Variants in SRGAP1 observed in about 807,000 individuals in gnomAD.
The protein encoded by SRGAP1 is SLIT-ROBO Rho GTPase-activating protein 1.
Under a neutral mutation model 121.9 loss-of-function variants are expected in SRGAP1, and 43 were observed. The ratio of observed to expected loss-of-function variants is 0.35; its 90% CI spans 0.28 to 0.46. SRGAP1 has a LOEUF of 0.46. Among genes scored for constraint, SRGAP1 ranks in the 20% least tolerant of loss-of-function variants. The probability of loss-of-function intolerance (pLI) is 1.00; values close to 1 mark genes in which losing one functional copy is unlikely to be tolerated. For missense variants in SRGAP1, 1,102 were observed against 1,350.9 expected (o/e 0.82, Z 2.89); for synonymous variants, 447 against 485.4 (o/e 0.92, Z 1.04).
At chr12:64,095,349 GAATC>G in intron 14 of SRGAP1, 145 bp downstream of exon 14, 1 of 667,732 alleles carries the variant, frequency 1.5e-6, no homozygotes, top group South Asian at 2.0e-5. Context: ...AATCCATTAA[GAATC>G]GCTGAGAAAT....
chr12:63,881,210 T>A (rs144857689), intron 1 of SRGAP1, among the ~76,000 whole-genome samples: 22 of 152,318 alleles, frequency 1.4e-4, no homozygotes, highest in African/African-American at 5.1e-4. Context: ...ATGACTGGGC[T>A]GGAATCTATC....
At chr12:63,946,510 T>C (rs2032052388) in intron 1 of SRGAP1, among the ~76,000 whole-genome samples, 1 of 151,724 alleles carries the variant, frequency 6.6e-6, no homozygotes, top group Non-Finnish European at 1.5e-5. Context: ...CTGCTTTCTC[T>C]TGCTGGTTAG....
chr12:64,136,762 G>C (rs2036862691), intron 21 of SRGAP1, among the ~76,000 whole-genome samples: 2 of 152,114 alleles, frequency 1.3e-5, no homozygotes, highest in Admixed American at 1.3e-4. Context: ...TGCTATGCAA[G>C]GCCCTTTGAG....
chr12:63,902,892 A>G (rs2030003358), intron 1 of SRGAP1, among the ~76,000 whole-genome samples: 1 of 152,118 alleles, frequency 6.6e-6, no homozygotes. Context: ...TGGTCATTCC[A>G]TCATATCTTT....
At chr12:63,912,227 G>A (rs148323143) in intron 1 of SRGAP1, among the ~76,000 whole-genome samples, 9 of 152,236 alleles carry the variant, frequency 5.9e-5, no homozygotes, top group African/African-American at 2.2e-4. Context: ...CAGTACAAAA[G>A]CCCTGTGAGG....
intron 1 of SRGAP1, among the ~76,000 whole-genome samples, chr12:63,924,369 T>G (rs939126435): frequency 1.3e-5 from 2 of 152,168 alleles, no homozygotes; most frequent in Admixed American, 6.5e-5. Context: ...AACCTAATAG[T>G]GCTCCATTGA....
At position 64,156,199 on chromosome 12, in the gene SRGAP1, AT is replaced by A. The variant is rs1376941019; in HGVS notation, c.*13532del. ...ATTGCTCCACACACTTGAAATATAA[AT>A]TTTTAAAGACATTTTATTCTTTTTT... On this transcript the variant is annotated 3_prime_UTR_variant, in exon 22 of 22. Transcript: ENST00000355086. 1 of 152,172 alleles carries A rather than the reference AT, an allele frequency of 6.6e-6. No homozygotes were observed. The highest frequency in any genetic ancestry group is 1.5e-5 in the Non-Finnish European group (1 of 68,018). The allele number at this position is 152,172 out of a possible 1,614,324, so 9.4% of individuals were successfully genotyped here.
At chr12:63,930,317 A>G (rs939828223) in intron 1 of SRGAP1, among the ~76,000 whole-genome samples, 2 of 142,360 alleles carry the variant, frequency 1.4e-5, no homozygotes, top group Non-Finnish European at 3.0e-5. Flanking sequence ...ATGGTGAAAC[A>G]TCGTCTCTAC....
chr12:64,017,298 C>T (rs978990354), intron 4 of SRGAP1, among the ~76,000 whole-genome samples: 12 of 152,260 alleles, frequency 7.9e-5, no homozygotes, highest in Middle Eastern at 3.4e-3. Flanking sequence ...ATAGATGTCT[C>T]CATAAGATAT....
chr12:63,959,590 T>C (rs1448911213), intron 1 of SRGAP1, among the ~76,000 whole-genome samples: 1 of 152,188 alleles, frequency 6.6e-6, no homozygotes, highest in African/African-American at 2.4e-5. Flanking sequence ...GAGGGGTTTT[T>C]TTTAAACTGT....
intron 8 of SRGAP1, among the ~76,000 whole-genome samples, chr12:64,077,512 T>A (rs2035759998): frequency 6.7e-6 from 1 of 149,546 alleles, no homozygotes; most frequent in South Asian, 2.1e-4. Context: ...AAAAATAGCA[T>A]ATAAATCAGG....
chr12:64,105,013 T>C (rs2036320505), intron 15 of SRGAP1, among the ~76,000 whole-genome samples: 2 of 152,102 alleles, frequency 1.3e-5, no homozygotes, highest in East Asian at 1.9e-4. Flanking sequence ...TAGAACTTTT[T>C]CATCTTCTCA....
chr12:64,042,456 C>A (rs1049561248), intron 4 of SRGAP1, among the ~76,000 whole-genome samples: 13 of 152,096 alleles, frequency 8.5e-5, no homozygotes, highest in African/African-American at 2.4e-4. Context: ...GTTTATTCTG[C>A]AAATTAATAA....
At chr12:63,906,022 C>T (rs1437711934) in intron 1 of SRGAP1, among the ~76,000 whole-genome samples, 2 of 152,160 alleles carry the variant, frequency 1.3e-5, no homozygotes, top group South Asian at 2.1e-4. Flanking sequence ...AGTTGGCCCC[C>T]TCATCTTTAT....
intron 6 of SRGAP1, among the ~76,000 whole-genome samples, chr12:64,052,894 T>C (rs185975967): frequency 2.6e-5 from 4 of 152,350 alleles, no homozygotes; most frequent in Admixed American, 2.0e-4. Flanking sequence ...ATTCTGGACA[T>C]GTACAACGTT....
rs58636089 is a variant in SRGAP1 at position 64,144,836 on chromosome 12, C to CTTTTTTTTTTTTTTTTTTTTTT, written c.*2169_*2190dup. On this transcript the variant is annotated 3_prime_UTR_variant, in exon 22 of 22. Transcript: ENST00000355086. ...TTAAACTTTCCAAAATAATCCCCCA[C>CTTTTTTTTTTTTTTTTTTTTTT]TTTTTTTTTTTTTTTTTTTTTTTTT... is the stretch of plus-strand genomic sequence containing the variant. 6.3e-5 allele frequency: 5 copies of CTTTTTTTTTTTTTTTTTTTTTT among 79,450 alleles called. No individual in the cohort carries two copies. The highest frequency in any genetic ancestry group is 4.7e-4 in the East Asian group (1 of 2,124). 4.9% of individuals were successfully genotyped at this position (79,450 alleles called of 1,614,324 possible). A position where few individuals can be genotyped will look rare whatever the true frequency, so the allele number is the denominator to read the frequency against.
Position 64,078,940 on chromosome 12 carries a change from A to C in SRGAP1, c.1147A>C (p.Thr383Pro). 1 of 1,613,840 alleles carries C rather than the reference A, an allele frequency of 6.2e-7. No homozygotes were observed. The change falls in exon 9 of 22, where the codon ACC (threonine) becomes CCC (proline). Residue 383 changes from threonine to proline, a missense_variant. By Grantham distance (38) the Thr-to-Pro change is conservative. This residue lies in a region of SRGAP1 where 747 missense variants were observed against 929.4 expected (regional missense o/e 0.80). Transcript: ENST00000355086. ...CCAGGTTAAGAAAACGACTGAAGCCACCTTGCAGACGATACAAGATATGGT... is the reference window on the plus strand; with the variant it reads ...CCAGGTTAAGAAAACGACTGAAGCCCCCTTGCAGACGATACAAGATATGGT... ...NEEVKKTTEA[T>P]LQTIQDMVTI... is the part of the protein sequence containing the mutation.
At chr12:64,032,516 G>T in intron 4 of SRGAP1, 1 of 1,203,548 alleles carries the variant, frequency 8.3e-7, no homozygotes, top group African/African-American at 1.5e-5. Context: ...CATGGAGCAG[G>T]CCTGGGCCAG....
At chr12:64,034,302 G>A (rs116965801) in intron 4 of SRGAP1, among the ~76,000 whole-genome samples, 6,514 of 152,096 alleles carry the variant, frequency 0.043, 187 homozygotes, top group Non-Finnish European at 0.063. Context: ...GGACACATAA[G>A]ACATGCCTGC....
Sources: allele counts gnomAD v4.1 joint callset (sites outside exome capture counted in the v4.1 genomes callset), GRCh38; gene constraint gnomAD v4.1.1; regional missense constraint gnomAD v4.1.1; transcripts MANE v1.5; gene names NCBI Gene and HGNC (gene_info 2026-07-23, HGNC 2026-07-21).